The following CTNNA2 variants were observed in gnomAD, a reference collection of about 807,000 sequenced individuals.
CTNNA2 encodes the protein catenin alpha 2.
Under a neutral mutation model 101.0 loss-of-function variants are expected in CTNNA2, and 42 were observed. The observed-to-expected ratio is 0.42, with a 90% CI of 0.32 to 0.54. CTNNA2 has a LOEUF of 0.54. Among genes scored for constraint, CTNNA2 ranks in the 20% least tolerant of loss-of-function variants. The probability of loss-of-function intolerance (pLI) is 0.14; values close to 1 mark genes in which losing one functional copy is unlikely to be tolerated. For synonymous variants in CTNNA2, 450 were observed against 456.4 expected, an observed-to-expected ratio of 0.99 and a Z score of 0.18; for missense variants, 871 against 1,223.1, an observed-to-expected ratio of 0.71 and a Z score of 4.29.
chr2:79,590,659 T>C (rs1676787508), intron 1 of CTNNA2, among the ~76,000 whole-genome samples: 1 of 152,220 alleles, frequency 6.6e-6, no homozygotes, highest in Non-Finnish European at 1.5e-5. Context: ...ATACAACCTT[T>C]TCTATGGCTG....
chr2:80,244,725 A>G (rs1671194113), intron 7 of CTNNA2, among the ~76,000 whole-genome samples: 2 of 152,286 alleles, frequency 1.3e-5, no homozygotes, highest in South Asian at 4.1e-4. Context: ...CATTTCGTAC[A>G]TCTTAAAATC....
chr2:79,741,392 G>T (rs1444068182), intron 2 of CTNNA2, among the ~76,000 whole-genome samples: 3 of 152,088 alleles, frequency 2.0e-5, no homozygotes, highest in Admixed American at 1.3e-4. Context: ...ATCCGAGTGA[G>T]AGACTTTCTT....
chr2:79,916,390 T>G (rs941062051), intron 7 of CTNNA2, among the ~76,000 whole-genome samples: 7 of 152,052 alleles, frequency 4.6e-5, no homozygotes, highest in African/African-American at 1.7e-4. Flanking sequence ...TTCTTCTCTT[T>G]CCTGTTCTCT....
At chr2:80,130,973 A>C (rs1449698542) in intron 7 of CTNNA2, among the ~76,000 whole-genome samples, 1 of 152,134 alleles carries the variant, frequency 6.6e-6, no homozygotes, top group Non-Finnish European at 1.5e-5. Flanking sequence ...TACCAAAAAA[A>C]AAAAGAGAAG....
intron 7 of CTNNA2, among the ~76,000 whole-genome samples, chr2:80,223,820 G>T (rs1708716184): frequency 6.6e-6 from 1 of 152,232 alleles, no homozygotes; most frequent in African/African-American, 2.4e-5. Context: ...GGCTTCAGAT[G>T]TGACTGATAA....
intron 7 of CTNNA2, among the ~76,000 whole-genome samples, chr2:80,232,905 T>C (rs1016438458): frequency 5.3e-5 from 8 of 152,202 alleles, no homozygotes; most frequent in Non-Finnish European, 1.2e-4. Flanking sequence ...CAAAGCTGAT[T>C]TGTAGCCAGC....
intron 1 of CTNNA2, among the ~76,000 whole-genome samples, chr2:79,589,125 C>T (rs1676683915): frequency 6.6e-6 from 1 of 152,112 alleles, no homozygotes; most frequent in Non-Finnish European, 1.5e-5. Context: ...GACATTCTGT[C>T]CTGAAATGGA....
At chr2:79,940,363 T>A (rs1328208596) in intron 7 of CTNNA2, among the ~76,000 whole-genome samples, 1 of 152,226 alleles carries the variant, frequency 6.6e-6, no homozygotes, top group African/African-American at 2.4e-5. Context: ...TTTTTAAAGA[T>A]AATTGCAAAA....
At chr2:79,561,159 G>A (rs1224833904) in intron 1 of CTNNA2, among the ~76,000 whole-genome samples, 1 of 151,854 alleles carries the variant, frequency 6.6e-6, no homozygotes, top group Non-Finnish European at 1.5e-5. Context: ...GACATGTTAT[G>A]TAAACTGAAT....
intron 4 of CTNNA2, among the ~76,000 whole-genome samples, chr2:79,481,233 G>A (rs1671106528): frequency 6.6e-6 from 1 of 152,008 alleles, no homozygotes; most frequent in African/African-American, 2.4e-5. Flanking sequence ...TTCTGAGGAA[G>A]GTGCCTCTAA....
intron 7 of CTNNA2, among the ~76,000 whole-genome samples, chr2:80,209,111 A>G (rs1707723949): frequency 6.6e-6 from 1 of 152,112 alleles, no homozygotes; most frequent in Admixed American, 6.5e-5. Context: ...CACCAACTAC[A>G]TCTTTGTGAT....
At chr2:79,476,317 C>T (rs1452093737) in intron 4 of CTNNA2, among the ~76,000 whole-genome samples, 2 of 152,160 alleles carry the variant, frequency 1.3e-5, no homozygotes, top group African/African-American at 2.4e-5. Context: ...AGTATCTCCT[C>T]AGGTTCAGAG....
intron 2 of CTNNA2, among the ~76,000 whole-genome samples, chr2:79,692,714 T>C (rs1684388810): frequency 6.6e-6 from 1 of 151,978 alleles, no homozygotes; most frequent in African/African-American, 2.4e-5. Context: ...TGAGTTCATG[T>C]CCTTTGCACG....
At chr2:80,292,323 T>C (rs1263196422) in intron 7 of CTNNA2, among the ~76,000 whole-genome samples, 2 of 152,110 alleles carry the variant, frequency 1.3e-5, no homozygotes, top group Non-Finnish European at 2.9e-5. Context: ...GAAAGGTTAA[T>C]TGCCTTGCCA....
chr2:79,243,691 A>G (rs1674663198), intron 2 of CTNNA2, among the ~76,000 whole-genome samples: 1 of 152,184 alleles, frequency 6.6e-6, no homozygotes, highest in Admixed American at 6.5e-5. Flanking sequence ...AGGTGCTTTT[A>G]ACTGGAATCT....
intron 2 of CTNNA2, among the ~76,000 whole-genome samples, chr2:79,204,121 G>T (rs184027975): frequency 1.3e-5 from 2 of 152,200 alleles, no homozygotes; most frequent in African/African-American, 4.8e-5. Flanking sequence ...GAGCCATAAG[G>T]TGCCTTTGAA....
At chr2:79,274,114 T>C (rs556430121) in intron 2 of CTNNA2, among the ~76,000 whole-genome samples, 2 of 152,262 alleles carry the variant, frequency 1.3e-5, no homozygotes, top group East Asian at 3.9e-4. Flanking sequence ...AATGCTGCTA[T>C]GAATTTCTTA....
chr2:79,648,349 G>T (rs551523356), intron 1 of CTNNA2, among the ~76,000 whole-genome samples: 44 of 152,228 alleles, frequency 2.9e-4, no homozygotes, highest in African/African-American at 9.9e-4. Flanking sequence ...AACTCTGGAG[G>T]CAAAGATCAT....
chr2:79,216,594 C>T (rs1674263517), intron 2 of CTNNA2, among the ~76,000 whole-genome samples: 1 of 149,030 alleles, frequency 6.7e-6, no homozygotes, highest in Non-Finnish European at 1.5e-5. Context: ...TCAGGGGGTT[C>T]TTGTCCCCAG....
Sources: gnomAD v4.1 joint callset for allele counts (sites outside exome capture counted in the v4.1 genomes callset) on GRCh38, gnomAD v4.1.1 for gene constraint, MANE v1.5 for transcripts, NCBI Gene and HGNC (gene_info 2026-07-23, HGNC 2026-07-21) for gene names.